The following CFAP92 variants were observed in gnomAD, a reference collection of about 807,000 sequenced individuals.
CFAP92 encodes the protein uncharacterized protein CFAP92.
In CFAP92, 86 loss-of-function variants were observed where a neutral mutation model predicts 106.3. The ratio of observed to expected loss-of-function variants is 0.81; its 90% CI spans 0.68 to 0.97. The LOEUF (loss-of-function observed/expected upper bound fraction) is 0.97. CFAP92 is among the 50% of genes least tolerant of loss of function. The pLI is 0.00. For synonymous variants in CFAP92, 477 were observed against 506.4 expected, an observed-to-expected ratio of 0.94 and a Z score of 0.78; for missense variants, 1,204 against 1,283.8, an observed-to-expected ratio of 0.94 and a Z score of 0.95.
At chr3:128,983,373 G>A (rs1302785224) in intron 4 of CFAP92, among the ~76,000 whole-genome samples, 5 of 152,094 alleles carry the variant, frequency 3.3e-5, no homozygotes, top group Non-Finnish European at 7.4e-5. Context: ...CTTTAAGGAG[G>A]GCAGTAACAT....
In CFAP92 at chr3:128,993,070, T is replaced by TG; in HGVS notation, c.234dup (p.Ile79HisfsTer20). 6.2e-7 allele frequency: 1 copy of TG among 1,614,030 alleles called. No individual in the cohort carries two copies. The highest frequency in any genetic ancestry group is 8.5e-7 in the Non-Finnish European group (1 of 1,179,888). ...ATATTCACAGGGAAGGCCAGTGAGATGGTGAATTTGCAGGGGACCACGTGG... is the reference window on the plus strand; with the variant it reads ...ATATTCACAGGGAAGGCCAGTGAGATGGGTGAATTTGCAGGGGACCACGTGG... On this transcript the variant is annotated frameshift_variant, in exon 2 of 16. Transcript: ENST00000645291. LOFTEE classifies it high-confidence loss of function.
chr3:128,933,498 G>A (rs948276761), intron 11 of CFAP92, among the ~76,000 whole-genome samples: 3 of 152,194 alleles, frequency 2.0e-5, no homozygotes, highest in African/African-American at 7.2e-5. Flanking sequence ...GTGTGCAGTG[G>A]GCATTGGGTC....
At chr3:128,969,619 T>C (rs908319237) in intron 8 of CFAP92, 4 of 151,358 alleles carry the variant, frequency 2.6e-5, no homozygotes, top group African/African-American at 4.9e-5. Flanking sequence ...TTCATTCTGC[T>C]GGAAACAGTC....
At chr3:129,015,764 C>G in the CFAP92 span, among the ~76,000 whole-genome samples, 4 of 151,768 alleles carry the variant, frequency 2.6e-5, no homozygotes, top group African/African-American at 9.7e-5. Context: ...TCCGCCCTTC[C>G]TCTGCTGCAT....
At chr3:128,963,070 T>C (rs927184570) in intron 9 of CFAP92, among the ~76,000 whole-genome samples, 29 of 152,358 alleles carry the variant, frequency 1.9e-4, no homozygotes, top group African/African-American at 6.5e-4. Flanking sequence ...GCCGCAAGGC[T>C]TCACAGACAG....
chr3:129,026,490 A>C, the CFAP92 span, among the ~76,000 whole-genome samples: 1 of 152,190 alleles, frequency 6.6e-6, no homozygotes, highest in East Asian at 1.9e-4. Flanking sequence ...CAAGAAGCTC[A>C]CTGCCTTCCA....
At chr3:129,004,828 C>T (rs1944997206), upstream of CFAP92, among the ~76,000 whole-genome samples, 1 of 152,084 alleles carries the variant, frequency 6.6e-6, no homozygotes, top group Non-Finnish European at 1.5e-5. Flanking sequence ...GCTAGCTCCA[C>T]CAGGGCAGGA....
intron 2 of CFAP92, 146 bp downstream of exon 2, chr3:128,992,897 A>T: frequency 1.1e-6 from 1 of 896,556 alleles, no homozygotes; most frequent in African/African-American, 1.7e-5. Context: ...TTTCTTTTCA[A>T]CCTCTGCTCC....
upstream of CFAP92, among the ~76,000 whole-genome samples, chr3:129,005,201 C>T (rs78595562): frequency 6.6e-6 from 1 of 152,182 alleles, no homozygotes; most frequent in African/African-American, 2.4e-5. Context: ...GCAGGTGAGA[C>T]CTTCACAGGA....
At position 128,961,312 on chromosome 3, in the gene CFAP92, TC is replaced by T. The variant is rs576871377; in HGVS notation, c.1353+4198del. 4.3e-3 allele frequency among the ~76,000 whole-genome samples: 662 copies of T among 152,200 alleles called. 2 individuals carry two copies. The highest frequency in any genetic ancestry group is 0.015 in the African/African-American group (618 of 41,506). ...TCCTCCCAAATCTTCCTTCTTTCCC[TC>T]CCGCCTGTCCCCTCAGTCCCAACCC... On this transcript the variant is annotated intron_variant, in intron 9 of 15. Transcript: ENST00000645291.
At chr3:128,934,569 C>T (rs764730940) in intron 11 of CFAP92, among the ~76,000 whole-genome samples, 10 of 150,348 alleles carry the variant, frequency 6.7e-5, no homozygotes, top group Non-Finnish European at 8.9e-5. Flanking sequence ...GTCTCACTGT[C>T]GCCCAGGCTG....
At position 128,937,178 on chromosome 3, in the gene CFAP92, G is replaced by C. The variant is rs1412406720; in HGVS notation, c.2259-1859C>G. Among the ~76,000 whole-genome samples, 5 of 151,946 alleles carry C rather than the reference G, an allele frequency of 3.3e-5. No homozygotes were observed. In the East Asian group the frequency reaches 9.6e-4, roughly 29 times the overall value. On this transcript the variant is annotated intron_variant, in intron 10 of 15. Coordinates refer to ENST00000645291, the MANE Select transcript of CFAP92 (RefSeq NM_001394090.1). ...AATCTGGGCATGGTGGTGCACACCT[G>C]TAGTCCTAGCTGCCTGGGAGGCTGA... is the stretch of plus-strand genomic sequence containing the variant.
chr3:128,926,234 C>G (rs1425717891), intron 12 of CFAP92, among the ~76,000 whole-genome samples: 1 of 125,762 alleles, frequency 8.0e-6, no homozygotes, highest in Non-Finnish European at 1.6e-5. Context: ...TGTGGCTGGG[C>G]ATGGTGGCTC....
chr3:128,941,147 T>C (rs1939579905), intron 10 of CFAP92, among the ~76,000 whole-genome samples: 1 of 152,192 alleles, frequency 6.6e-6, no homozygotes, highest in Admixed American at 6.5e-5. Context: ...TCAAATTTAG[T>C]CCTATGAATT....
intron 12 of CFAP92, among the ~76,000 whole-genome samples, chr3:128,920,418 A>G (rs1937172596): frequency 6.6e-6 from 1 of 152,210 alleles, no homozygotes; most frequent in South Asian, 2.1e-4. Context: ...AAAAAAAATT[A>G]AAATAATTAT....
intron 9 of CFAP92, among the ~76,000 whole-genome samples, chr3:128,960,303 G>A (rs932019688): frequency 2.4e-4 from 36 of 152,302 alleles, no homozygotes; most frequent in Middle Eastern, 3.4e-3. Context: ...TCAATCCCCC[G>A]TCCTCCTGCT....
chr3:128,932,884 G>A lies in CFAP92; in HGVS notation c.2567C>T (p.Ser856Leu), dbSNP rs758568676. 2.0e-5 allele frequency: 30 copies of A among 1,536,078 alleles called. No homozygotes were observed. The South Asian group carries it at 2.0e-4, about 10-fold the overall frequency. The change falls in exon 12 of 16, where the codon TCG becomes TTG. Residue 856 changes from serine (S) to leucine (L), a missense_variant. Coordinates refer to ENST00000645291, the MANE Select transcript of CFAP92 (RefSeq NM_001394090.1). The part of the protein sequence containing the change: ...DLSQEFGMPL[S>L]QEELTDEKLF... ...TTTCTCATCTGTGAGTTCTTCTTGCGAAAGGGGCATCCCAAACTCTTGGCT... is the reference window on the plus strand; with the variant it reads ...TTTCTCATCTGTGAGTTCTTCTTGCAAAAGGGGCATCCCAAACTCTTGGCT...
At chr3:129,014,513 C>G in the CFAP92 span, among the ~76,000 whole-genome samples, 4 of 152,206 alleles carry the variant, frequency 2.6e-5, no homozygotes, top group Non-Finnish European at 5.9e-5. The surrounding 1 kb of genome is among the most constrained non-coding windows in gnomAD (Gnocchi z 4.3). Context: ...AGAAGGACAC[C>G]AGTCAGACTG....
intron 9 of CFAP92, among the ~76,000 whole-genome samples, chr3:128,946,275 A>G (rs1432510131): frequency 1.3e-5 from 2 of 152,222 alleles, no homozygotes; most frequent in Admixed American, 1.3e-4. Context: ...GTCCTTTTTC[A>G]TACCTGTACT....
Sources: allele counts gnomAD v4.1 joint callset (sites outside exome capture counted in the v4.1 genomes callset), GRCh38; gene constraint gnomAD v4.1.1; non-coding constraint Gnocchi (gnomAD v3.1); transcripts MANE v1.5; gene names NCBI Gene and HGNC (gene_info 2026-07-23, HGNC 2026-07-21).